The following FAM227B variants were observed in gnomAD, a reference collection of about 807,000 sequenced individuals.
FAM227B encodes the protein protein FAM227B.
In FAM227B, 88 loss-of-function variants were observed where a neutral mutation model predicts 73.8. That is an observed-to-expected ratio of 1.19 (90% CI 1.00 to 1.42). The LOEUF is 1.42. Ranked by LOEUF, FAM227B falls within the 40% of genes most tolerant of loss-of-function variation. FAM227B has a pLI of 0.00. For missense variants in FAM227B, 632 were observed against 590.9 expected, an observed-to-expected ratio of 1.07 and a Z score of -0.72; for synonymous variants, 210 against 190.5, an observed-to-expected ratio of 1.10 and a Z score of -0.84.
At chr15:49,506,187 G>A (rs1373460188) in intron 11 of FAM227B, among the ~76,000 whole-genome samples, 1 of 151,828 alleles carries the variant, frequency 6.6e-6, no homozygotes, top group Non-Finnish European at 1.5e-5. Context: ...GTAATTAATA[G>A]AACTAAATAA....
At chr15:49,397,467 G>A (rs2047770293) in intron 11 of FAM227B, among the ~76,000 whole-genome samples, 1 of 151,948 alleles carries the variant, frequency 6.6e-6, no homozygotes, top group African/African-American at 2.4e-5. Flanking sequence ...AGCAAGGCAG[G>A]CCAACGTTCA....
intron 9 of FAM227B, among the ~76,000 whole-genome samples, chr15:49,550,250 C>A (rs1400592891): frequency 1.4e-5 from 2 of 146,632 alleles, no homozygotes; most frequent in African/African-American, 5.1e-5. Context: ...GCTGGCCGGG[C>A]AGAGGGGCTC....
rs1457498930 is a variant in FAM227B, at chr15:49,568,283, T to A, written c.709A>T (p.Met237Leu). The A allele has an allele frequency of 1.2e-6, 2 of 1,610,644 alleles. No homozygotes were observed. Among genetic ancestry groups the A allele is most frequent in the African/African-American group, 1.3e-5 (1 of 74,890 alleles). ...TCCTTTCGACTTAGAGGTATGCTCATGAAAAGTGTCACATAACTTTCTGAA... is the reference window on the plus strand; with the variant it reads ...TCCTTTCGACTTAGAGGTATGCTCAAGAAAAGTGTCACATAACTTTCTGAA... Reference protein sequence around the residue: ...RISESYVTLFMSIPLSRKDAF... With the variant: ...RISESYVTLFLSIPLSRKDAF... The change falls in exon 9 of 16, where the codon ATG becomes TTG. Residue 237 changes from methionine (M) to leucine (L), a missense_variant. Coordinates refer to ENST00000299338, the MANE Select transcript of FAM227B (RefSeq NM_152647.3).
chr15:49,345,166 G>C (rs1341475302), intron 13 of FAM227B, among the ~76,000 whole-genome samples: 3 of 152,058 alleles, frequency 2.0e-5, no homozygotes, highest in African/African-American at 7.2e-5. Context: ...AACAAATTTT[G>C]GATTTTCTTT....
At chr15:49,387,864 CTTTTA>C (rs1021387515) in intron 11 of FAM227B, among the ~76,000 whole-genome samples, 7 of 151,536 alleles carry the variant, frequency 4.6e-5, no homozygotes, top group African/African-American at 1.7e-4. Flanking sequence ...AACGTGATCT[CTTTTA>C]TAAGAGCTGC....
chr15:49,458,587 C>T (rs2053525618), intron 11 of FAM227B, among the ~76,000 whole-genome samples: 1 of 152,036 alleles, frequency 6.6e-6, no homozygotes, highest in Admixed American at 6.6e-5. Flanking sequence ...TTACCATTGC[C>T]AAGCTCTTGT....
intron 9 of FAM227B, among the ~76,000 whole-genome samples, chr15:49,565,381 C>CAAAAAA (rs3075974): frequency 1.1e-5 from 1 of 90,284 alleles, no homozygotes; most frequent in African/African-American, 4.0e-5. Flanking sequence ...GACTCCATCT[C>CAAAAAA]AAAAAAAAAA....
intron 9 of FAM227B, among the ~76,000 whole-genome samples, chr15:49,565,241 G>C (rs978558323): frequency 1.3e-5 from 2 of 151,844 alleles, no homozygotes; most frequent in African/African-American, 4.8e-5. Context: ...AATTAGCCAG[G>C]GGTGGTGATG....
intron 14 of FAM227B, among the ~76,000 whole-genome samples, chr15:49,332,416 T>C (rs1437679485): frequency 2.0e-5 from 3 of 152,180 alleles, no homozygotes; most frequent in Non-Finnish European, 2.9e-5. Flanking sequence ...GTAAGCTCAT[T>C]GTGAGCAGGG....
Position 49,576,822 on chromosome 15 carries a change from T to C in FAM227B, c.465A>G (p.Lys155=), listed in dbSNP as rs759958481. The C allele has an allele frequency of 1.2e-6, 2 of 1,611,938 alleles. No homozygotes were observed. Among genetic ancestry groups the C allele is most frequent in the South Asian group, 1.1e-5 (1 of 90,766 alleles). ...NIEGCSFTGF[K]ANELTQLPRH... ...TGGGTAGCTGAGTAAGTTCATTTGC[T>C]TTGAATCCTGTGAAGCTGCAACCCT... Residue 155 remains lysine (K), a synonymous_variant, in exon 7 of 16, where the codon AAA becomes AAG. Coordinates refer to ENST00000299338, the MANE Select transcript of FAM227B (RefSeq NM_152647.3).
At chr15:49,616,502 T>C (rs1276714930) in intron 1 of FAM227B, among the ~76,000 whole-genome samples, 1 of 152,064 alleles carries the variant, frequency 6.6e-6, no homozygotes, top group African/African-American at 2.4e-5. Context: ...TAACTGATGC[T>C]CTGTCTATAT....
rs1221260264 is a variant in FAM227B at position 49,367,526 on chromosome 15, A to C, written c.1193T>G (p.Leu398Arg). The change falls in exon 13 of 16, where the codon CTT becomes CGT. Residue 398 changes from leucine (L) to arginine (R), a missense_variant. By Grantham distance (102) the Leu-to-Arg change is moderately radical. Coordinates refer to ENST00000299338, the MANE Select transcript of FAM227B (RefSeq NM_152647.3). ...GGQSPLILYYLKMHELAGISK... is the reference protein window; with the variant it reads ...GGQSPLILYYRKMHELAGISK... ...AATACCAGCCAGCTCATGCATCTTA[A>C]GATAATATAAAATCAATGGACTCTG... The C allele has an allele frequency of 6.2e-7, 1 of 1,606,960 alleles. No homozygotes were observed. The highest frequency in any genetic ancestry group is 2.2e-5 in the East Asian group (1 of 44,616).
chr15:49,607,066 C>T (rs2077567483), intron 3 of FAM227B, among the ~76,000 whole-genome samples: 1 of 152,128 alleles, frequency 6.6e-6, no homozygotes, highest in Admixed American at 6.5e-5. Flanking sequence ...GGGAAGAAAT[C>T]TGAGGTCTGC....
intron 5 of FAM227B, among the ~76,000 whole-genome samples, chr15:49,578,128 A>G (rs931448537): frequency 1.3e-5 from 2 of 152,214 alleles, no homozygotes; most frequent in African/African-American, 2.4e-5. Flanking sequence ...AGAGTTCTAG[A>G]GCTGAAAGTA....
chr15:49,385,094 C>T (rs564209225), intron 11 of FAM227B, among the ~76,000 whole-genome samples: 1 of 151,968 alleles, frequency 6.6e-6, no homozygotes, highest in African/African-American at 2.4e-5. Flanking sequence ...CAATGTCACT[C>T]AAGGGTTTTG....
At chr15:49,431,273 G>T (rs1428670763) in intron 11 of FAM227B, among the ~76,000 whole-genome samples, 5 of 151,752 alleles carry the variant, frequency 3.3e-5, no homozygotes, top group African/African-American at 7.3e-5. Flanking sequence ...TTGTGTTAAA[G>T]AGTCCCTGAA....
chr15:49,357,128 G>A (rs1336683480), intron 13 of FAM227B, among the ~76,000 whole-genome samples: 28 of 150,522 alleles, frequency 1.9e-4, no homozygotes, highest in African/African-American at 6.6e-4. Context: ...CACAAGAGAA[G>A]GCAGGAAAGA....
At chr15:49,500,029 A>T (rs937640283) in intron 11 of FAM227B, among the ~76,000 whole-genome samples, 2 of 152,202 alleles carry the variant, frequency 1.3e-5, no homozygotes, top group African/African-American at 4.8e-5. Context: ...TTTGTTTTTT[A>T]AAAGATGTTA....
intron 11 of FAM227B, among the ~76,000 whole-genome samples, chr15:49,371,965 TAAATG>T (rs200889950): frequency 0.012 from 1,219 of 100,632 alleles, 70 homozygotes; most frequent in African/African-American, 0.055. Context: ...CACTTATAAA[TAAATG>T]AAATAAAATT....
Sources: gnomAD v4.1 joint callset for allele counts (sites outside exome capture counted in the v4.1 genomes callset) on GRCh38, gnomAD v4.1.1 for gene constraint, MANE v1.5 for transcripts, NCBI Gene and HGNC (gene_info 2026-07-23, HGNC 2026-07-21) for gene names.